Variants in PTPRD observed in about 807,000 individuals in gnomAD.
PTPRD encodes protein tyrosine phosphatase receptor type D.
Under a neutral mutation model 214.5 loss-of-function variants are expected in PTPRD, and 34 were observed. The observed-to-expected ratio is 0.16, with a 90% CI of 0.12 to 0.21. The LOEUF (loss-of-function observed/expected upper bound fraction) is 0.21, where lower values mean the gene tolerates loss of function less well. Among genes scored for constraint, PTPRD ranks in the 10% least tolerant of loss-of-function variants. PTPRD has a pLI of 1.00. For synonymous variants in PTPRD, 1,128 were observed against 845.7 expected (o/e 1.33, Z -5.79); for missense variants, 2,545 against 2,398.7 (o/e 1.06, Z -1.27).
intron 7 of PTPRD, among the ~76,000 whole-genome samples, chr9:9,696,125 T>C (rs1160216854): frequency 6.6e-6 from 1 of 152,138 alleles, no homozygotes; most frequent in African/African-American, 2.4e-5. Flanking sequence ...CTTTAGTAAG[T>C]TATATGTGCC....
chr9:8,755,699 A>G (rs1411378622), intron 11 of PTPRD, among the ~76,000 whole-genome samples: 2 of 152,246 alleles, frequency 1.3e-5, no homozygotes, highest in South Asian at 2.1e-4. Context: ...CAGCTTATTA[A>G]TGCATAGTTT....
chr9:9,475,923 T>C (rs2094999107), intron 8 of PTPRD, among the ~76,000 whole-genome samples: 1 of 152,158 alleles, frequency 6.6e-6, no homozygotes, highest in Non-Finnish European at 1.5e-5. Flanking sequence ...CAGTGGTAGT[T>C]TCACACATTG....
intron 7 of PTPRD, 33 bp from the exon 8 acceptor site, chr9:9,574,814 A>AACATT (rs2087846228): frequency 6.6e-6 from 1 of 152,132 alleles, no homozygotes; most frequent in African/African-American, 2.4e-5. Context: ...ATTCTTTATT[A>AACATT]GTACTAGTGT....
intron 4 of PTPRD, among the ~76,000 whole-genome samples, chr9:10,011,970 T>G (rs930124899): frequency 6.6e-6 from 1 of 151,952 alleles, no homozygotes; most frequent in African/African-American, 2.4e-5. Flanking sequence ...TTCCGGAAAC[T>G]CGCTTTTGTT....
At chr9:8,859,907 G>C (rs1023653984) in intron 11 of PTPRD, 1 of 151,526 alleles carries the variant, frequency 6.6e-6, no homozygotes, top group African/African-American at 2.4e-5. Flanking sequence ...ATCAATTCTT[G>C]TGCAAGCCTT....
intron 2 of PTPRD, among the ~76,000 whole-genome samples, chr9:10,431,728 A>G (rs868136675): frequency 0.017 from 2,660 of 152,200 alleles, 74 homozygotes; most frequent in African/African-American, 0.06. Flanking sequence ...AATCAAAACC[A>G]CAATGAGATA....
chr9:8,857,186 G>C (rs532435074), intron 11 of PTPRD, among the ~76,000 whole-genome samples: 5 of 151,088 alleles, frequency 3.3e-5, no homozygotes, highest in African/African-American at 9.9e-5. Flanking sequence ...TAGTTCAGAG[G>C]AAAGAAAGAA....
At chr9:10,426,046 A>T (rs1392497051) in intron 2 of PTPRD, among the ~76,000 whole-genome samples, 1 of 152,002 alleles carries the variant, frequency 6.6e-6, no homozygotes, top group African/African-American at 2.4e-5. Flanking sequence ...AAAATGTAAT[A>T]TTTTGGATAT....
At chr9:10,132,351 T>C (rs291307) in intron 3 of PTPRD, among the ~76,000 whole-genome samples, 2 of 151,782 alleles carry the variant, frequency 1.3e-5, no homozygotes, top group South Asian at 4.2e-4. Context: ...GAATGTAATT[T>C]AAAAAAAACT....
intron 10 of PTPRD, among the ~76,000 whole-genome samples, chr9:9,139,911 T>C (rs892969548): frequency 6.6e-6 from 1 of 152,110 alleles, no homozygotes; most frequent in Non-Finnish European, 1.5e-5. Context: ...ATAAAAAGGA[T>C]AAATTTGAAG....
chr9:8,548,579 GCTGTTCTCGAA>G (rs1314309692), intron 14 of PTPRD, among the ~76,000 whole-genome samples: 1 of 151,244 alleles, frequency 6.6e-6, no homozygotes, highest in Non-Finnish European at 1.5e-5. Context: ...TGTTGGCTAG[GCTGTTCTCGAA>G]CTCCTGACCT....
At chr9:10,133,823 T>C (rs981000961) in intron 3 of PTPRD, among the ~76,000 whole-genome samples, 17 of 152,192 alleles carry the variant, frequency 1.1e-4, no homozygotes, top group African/African-American at 3.1e-4. Context: ...TCTGGAAAGA[T>C]AGTACTTGCA....
chr9:9,244,865 G>C (rs1344443651), intron 9 of PTPRD, among the ~76,000 whole-genome samples: 1 of 152,060 alleles, frequency 6.6e-6, no homozygotes, highest in African/African-American at 2.4e-5. Flanking sequence ...CAGAATGGGA[G>C]AAAATTTCTG....
chr9:9,335,906 A>G (rs1271615376), intron 9 of PTPRD, among the ~76,000 whole-genome samples: 1 of 152,144 alleles, frequency 6.6e-6, no homozygotes, highest in East Asian at 1.9e-4. Context: ...CTAACAAGGG[A>G]GTATGATAAC....
intron 4 of PTPRD, among the ~76,000 whole-genome samples, chr9:9,992,070 T>C (rs1341622041): frequency 6.6e-6 from 1 of 152,150 alleles, no homozygotes; most frequent in African/African-American, 2.4e-5. Flanking sequence ...AGTAGATTCG[T>C]GATTGTCTAG....
chr9:8,858,884 G>A (rs1251423468), intron 11 of PTPRD, among the ~76,000 whole-genome samples: 1 of 151,832 alleles, frequency 6.6e-6, no homozygotes, highest in Non-Finnish European at 1.5e-5. Flanking sequence ...GCGGGGTGAC[G>A]TCACTCCCCA....
chr9:9,452,123 A>G (rs1308193895), intron 8 of PTPRD, among the ~76,000 whole-genome samples: 2 of 151,530 alleles, frequency 1.3e-5, no homozygotes, highest in Admixed American at 6.6e-5. Flanking sequence ...TATAATAAAA[A>G]AGCTGAATGC....
intron 9 of PTPRD, among the ~76,000 whole-genome samples, chr9:9,350,853 A>G (rs1184433478): frequency 6.6e-6 from 1 of 152,100 alleles, no homozygotes. Flanking sequence ...CCCTCAGATA[A>G]CGAGGTCAGC....
intron 9 of PTPRD, among the ~76,000 whole-genome samples, chr9:9,268,564 T>A (rs1028380357): frequency 6.6e-6 from 1 of 151,138 alleles, no homozygotes; most frequent in African/African-American, 2.4e-5. Context: ...TGAAGTAAAC[T>A]TGGTTGAGAA....
Sources: gnomAD v4.1 joint callset for allele counts (sites outside exome capture counted in the v4.1 genomes callset) on GRCh38, gnomAD v4.1.1 for gene constraint, MANE v1.5 for transcripts, NCBI Gene and HGNC (gene_info 2026-07-23, HGNC 2026-07-21) for gene names.